Variants in PLPP3 observed in about 807,000 individuals in gnomAD.
The protein encoded by PLPP3 is PAP2 beta.
PLPP3 carries 6 observed loss-of-function variants against 29.6 expected under a neutral mutation model. That is an observed-to-expected ratio of 0.20 (90% CI 0.11 to 0.40). The LOEUF is 0.40. PLPP3 is among the 10% of genes least tolerant of loss of function. The pLI, the probability that PLPP3 is intolerant of heterozygous loss-of-function variation, is 1.00. For synonymous variants in PLPP3, 152 were observed against 159.7 expected (o/e 0.95, Z 0.36); for missense variants, 308 against 407.7 (o/e 0.76, Z 2.11).
intron 1 of PLPP3, among the ~76,000 whole-genome samples, chr1:56,542,891 G>A (rs1645979580): frequency 1.3e-5 from 2 of 151,920 alleles, no homozygotes; most frequent in African/African-American, 4.8e-5. Flanking sequence ...GTGTGGTGGT[G>A]CATGCCTGTA....
At chr1:56,534,364 A>G (rs1408973064) in intron 2 of PLPP3, among the ~76,000 whole-genome samples, 1 of 152,148 alleles carries the variant, frequency 6.6e-6, no homozygotes, top group Non-Finnish European at 1.5e-5. Flanking sequence ...CTTTCTCCAT[A>G]ACGCGTGATG....
In PLPP3 at chr1:56,579,493, C is replaced by G. The variant is rs200376806; in HGVS notation, c.-477G>C. On this transcript the variant is annotated 5_prime_UTR_variant, in exon 1 of 6. Coordinates refer to ENST00000371250, the MANE Select transcript of PLPP3 (RefSeq NM_003713.5). ...TCCTCCTCCTCCTCCTCCTCCGGCT[C>G]CTCCTGCTCCTCCTGCTGTTGGTGC... is the stretch of plus-strand genomic sequence containing the variant. 45 of 178,554 alleles carry G rather than the reference C, an allele frequency of 2.5e-4. No individual in the cohort carries two copies. The East Asian group carries it at 7.2e-3, about 29-fold the overall frequency. The allele number at this position is 178,554 out of a possible 1,614,324, so 11.1% of individuals were successfully genotyped here.
intron 4 of PLPP3, 138 bp from the exon 5 acceptor site, chr1:56,512,290 T>G (rs1645746588): frequency 2.5e-6 from 2 of 799,352 alleles, no homozygotes; most frequent in African/African-American, 3.6e-5. Flanking sequence ...ATACAGCAAT[T>G]TGAACATGAC....
intron 2 of PLPP3, among the ~76,000 whole-genome samples, chr1:56,525,353 C>G (rs1356545393): frequency 6.6e-6 from 1 of 152,228 alleles, no homozygotes; most frequent in Non-Finnish European, 1.5e-5. Flanking sequence ...CCTGTGCTGT[C>G]TTCTCTGAGC....
rs1645837396 is a variant in PLPP3, at chr1:56,524,173, T to C, written c.575+104A>G. ...GTGAGTTCCTCAAGAATAGGAACTA[T>C]GCCTTATTCACCCATCTAAACCAGG... On this transcript the variant is annotated intron_variant, in intron 3 of 5. Coordinates refer to ENST00000371250, the MANE Select transcript of PLPP3 (RefSeq NM_003713.5). This position sits in a 1 kb window ranked among gnomAD's most constrained non-coding sequence, Gnocchi z 4.3. The C allele has an allele frequency of 2.9e-6, 4 of 1,363,550 alleles. No homozygotes were observed. The highest frequency in any genetic ancestry group is 4.1e-6 in the Non-Finnish European group (4 of 985,776). 84.5% of individuals were successfully genotyped at this position (1,363,550 alleles called of 1,614,324 possible).
rs1646085318 is a variant in PLPP3, at chr1:56,557,026, A to AGAAAGAG, written c.140-19915_140-19914insCTCTTTC. Among the ~76,000 whole-genome samples, 61 of 9,526 alleles carry AGAAAGAG rather than the reference A, an allele frequency of 6.4e-3. 8 individuals carry two copies. The highest frequency in any genetic ancestry group is 0.045 in the East Asian group (23 of 510). The allele number at this position is 9,526 out of a possible 152,430, so 6.2% of individuals were successfully genotyped here. On this transcript the variant is annotated intron_variant, in intron 1 of 5. Coordinates refer to ENST00000371250, the MANE Select transcript of PLPP3 (RefSeq NM_003713.5). ...AGAAAGAAAGAGAGAGAGAGAGAGA[A>AGAAAGAG]AGAGAGAGAGAGAGAGAGAGAGAGA...
At chr1:56,535,674 A>C (rs1645921834) in intron 2 of PLPP3, among the ~76,000 whole-genome samples, 1 of 152,186 alleles carries the variant, frequency 6.6e-6, no homozygotes, top group African/African-American at 2.4e-5. Flanking sequence ...GCAGCAAGCG[A>C]AGAGCTGCTG....
chr1:56,577,961 G>A (rs974171103), intron 1 of PLPP3, among the ~76,000 whole-genome samples: 1 of 151,814 alleles, frequency 6.6e-6, no homozygotes, highest in African/African-American at 2.4e-5. Context: ...TTCAACCTTG[G>A]AAGTCCTGTT....
intron 1 of PLPP3, among the ~76,000 whole-genome samples, chr1:56,563,430 A>G (rs956035145): frequency 6.6e-6 from 1 of 152,220 alleles, no homozygotes; most frequent in Non-Finnish European, 1.5e-5. Context: ...GATAAGAAGA[A>G]TTAACAATAC....
intron 1 of PLPP3, among the ~76,000 whole-genome samples, chr1:56,546,721 A>G (rs1252198867): frequency 1.3e-5 from 2 of 152,246 alleles, no homozygotes; most frequent in African/African-American, 4.8e-5. Context: ...TTGCTGAAAT[A>G]GAAAGCCCTT....
chr1:56,538,423 G>C, intron 1 of PLPP3: 1 of 387,120 alleles, frequency 2.6e-6, no homozygotes, highest in Admixed American at 2.5e-5. Flanking sequence ...CTTTCAGCTG[G>C]AACTGCCATC....
At chr1:56,578,511 G>T (rs989767287) in intron 1 of PLPP3, among the ~76,000 whole-genome samples, 3 of 152,232 alleles carry the variant, frequency 2.0e-5, no homozygotes, top group Non-Finnish European at 4.4e-5. Context: ...CGACCAGCTA[G>T]CTATACGCTG....
rs937316157 is a variant in PLPP3 at position 56,542,214 on chromosome 1, A to G, written c.140-5102T>C. Among the ~76,000 whole-genome samples, 35 of 152,060 alleles carry G rather than the reference A, an allele frequency of 2.3e-4. 1 individual carries two copies. The highest frequency in any genetic ancestry group is 2.2e-3 in the Admixed American group (34 of 15,256). ...ACTTCTCTGGCTTTGAAAAACTAAC[A>G]CTGGGGCAGGTTGGGTGGTTTGGGG... On this transcript the variant is annotated intron_variant, in intron 1 of 5. Coordinates refer to ENST00000371250, the MANE Select transcript of PLPP3 (RefSeq NM_003713.5).
At chr1:56,569,042 T>G (rs1028719198) in intron 1 of PLPP3, among the ~76,000 whole-genome samples, 16 of 152,220 alleles carry the variant, frequency 1.1e-4, no homozygotes, top group African/African-American at 3.9e-4. Context: ...TACCCTCAAA[T>G]CCAGTCATCT....
At chr1:56,570,092 C>A (rs1201630247) in intron 1 of PLPP3, among the ~76,000 whole-genome samples, 2 of 152,178 alleles carry the variant, frequency 1.3e-5, no homozygotes, top group Non-Finnish European at 2.9e-5. Context: ...AACCCTGGGG[C>A]CTGGCATATA....
At chr1:56,523,702 T>C (rs1020754328) in intron 4 of PLPP3, 121 bp downstream of exon 4, 55 of 1,116,706 alleles carry the variant, frequency 4.9e-5, no homozygotes, top group Non-Finnish European at 6.5e-5. Context: ...CTTTTCTAGC[T>C]AACCTCTTTT....
chr1:56,500,034 C>T (rs1645656733), intron 5 of PLPP3, among the ~76,000 whole-genome samples: 1 of 152,172 alleles, frequency 6.6e-6, no homozygotes, highest in South Asian at 2.1e-4. Context: ...AAAACTATAC[C>T]CTAAGCACAG....
intron 2 of PLPP3, among the ~76,000 whole-genome samples, chr1:56,533,055 T>C (rs1235093155): frequency 7.1e-6 from 1 of 140,886 alleles, no homozygotes; most frequent in Non-Finnish European, 1.6e-5. Context: ...TTATGTAGCT[T>C]TTTTTTTTTT....
At chr1:56,523,674 G>T in intron 4 of PLPP3, 149 bp downstream of exon 4, 2 of 806,694 alleles carry the variant, frequency 2.5e-6, no homozygotes, top group Non-Finnish European at 4.0e-6. Context: ...CAGTGGCAGC[G>T]CTCAGAATTA....
Sources: allele counts gnomAD v4.1 joint callset (sites outside exome capture counted in the v4.1 genomes callset), GRCh38; gene constraint gnomAD v4.1.1; non-coding constraint Gnocchi (gnomAD v3.1); transcripts MANE v1.5; gene names NCBI Gene and HGNC (gene_info 2026-07-23, HGNC 2026-07-21).